Variants in ATXN1 observed in about 807,000 individuals in gnomAD.
ATXN1 encodes the protein ataxin-1.
ATXN1 carries 8 observed loss-of-function variants against 56.4 expected under a neutral mutation model. The observed-to-expected ratio is 0.14, with a 90% confidence interval of 0.08 to 0.26. ATXN1 has a LOEUF of 0.26. ATXN1 is among the 10% of genes least tolerant of loss of function. The pLI is 1.00. For synonymous variants in ATXN1, 514 were observed against 494.6 expected (o/e 1.04, Z -0.52); for missense variants, 987 against 1,106.5 (o/e 0.89, Z 1.53).
intron 6 of ATXN1, among the ~76,000 whole-genome samples, chr6:16,395,588 T>C (rs1023144959): frequency 2.0e-5 from 3 of 152,232 alleles, no homozygotes; most frequent in African/African-American, 7.2e-5. Flanking sequence ...GCCAGTCCTA[T>C]AAAAGTATAG....
intron 1 of ATXN1, among the ~76,000 whole-genome samples, chr6:16,759,067 C>A (rs1250999128): frequency 2.6e-5 from 4 of 152,200 alleles, no homozygotes; most frequent in Non-Finnish European, 5.9e-5. Context: ...GGAACTGCAG[C>A]CTCCTAAAAA....
chr6:16,537,738 AAAAAG>A (rs1439822089), intron 4 of ATXN1, among the ~76,000 whole-genome samples: 1 of 152,002 alleles, frequency 6.6e-6, no homozygotes, highest in Non-Finnish European at 1.5e-5. Context: ...AAAGAAAAAA[AAAAAG>A]AAATGATGTT....
intron 2 of ATXN1, chr6:16,738,241 G>A (rs1760204638): frequency 6.6e-6 from 1 of 152,198 alleles, no homozygotes; most frequent in African/African-American, 2.4e-5. Flanking sequence ...TCTCCTTGAG[G>A]AGAGTAGAAA....
intron 6 of ATXN1, among the ~76,000 whole-genome samples, chr6:16,396,164 GAT>G (rs1317338148): frequency 1.3e-5 from 2 of 152,010 alleles, no homozygotes; most frequent in Non-Finnish European, 2.9e-5. Context: ...AGATGGAAAA[GAT>G]AAGGAGGTAG....
At chr6:16,403,841 G>T (rs185996054) in intron 6 of ATXN1, among the ~76,000 whole-genome samples, 313 of 151,956 alleles carry the variant, frequency 2.1e-3, no homozygotes, top group South Asian at 5.8e-3. Context: ...TTCACGTTCT[G>T]TTCTTGAAGT....
chr6:16,757,214 T>C (rs1170864749), intron 1 of ATXN1, among the ~76,000 whole-genome samples: 3 of 152,246 alleles, frequency 2.0e-5, no homozygotes, highest in Admixed American at 2.0e-4. Flanking sequence ...CGTAACATTT[T>C]TGACAAAGTG....
intron 6 of ATXN1, among the ~76,000 whole-genome samples, chr6:16,345,475 C>T (rs2113448107): frequency 6.6e-6 from 1 of 152,294 alleles, no homozygotes; most frequent in Middle Eastern, 3.4e-3. Flanking sequence ...CAGCCTAAAT[C>T]AATCGTAGGA....
chr6:16,688,782 C>G (rs964418442), intron 2 of ATXN1, among the ~76,000 whole-genome samples: 8 of 152,110 alleles, frequency 5.3e-5, no homozygotes, highest in African/African-American at 1.9e-4. Context: ...TCTAAAACTA[C>G]CAATAAACTA....
At chr6:16,385,560 A>T (rs911854689) in intron 6 of ATXN1, among the ~76,000 whole-genome samples, 5 of 152,296 alleles carry the variant, frequency 3.3e-5, no homozygotes, top group African/African-American at 1.2e-4. Context: ...TGCACAAGAG[A>T]TATGGGAGAA....
At chr6:16,581,404 G>C (rs1446275388) in intron 4 of ATXN1, among the ~76,000 whole-genome samples, 6 of 152,022 alleles carry the variant, frequency 3.9e-5, no homozygotes, top group Non-Finnish European at 8.8e-5. Flanking sequence ...TAGAGAAAAA[G>C]GTTCGTCAAA....
intron 3 of ATXN1, among the ~76,000 whole-genome samples, chr6:16,606,327 T>C (rs1056399328): frequency 1.3e-5 from 2 of 152,050 alleles, no homozygotes; most frequent in African/African-American, 4.8e-5. Flanking sequence ...TGCGAACACA[T>C]GTGATGGGTA....
At chr6:16,469,182 G>C (rs1466963825) in intron 6 of ATXN1, among the ~76,000 whole-genome samples, 1 of 152,184 alleles carries the variant, frequency 6.6e-6, no homozygotes, top group African/African-American at 2.4e-5. Flanking sequence ...ATTGAAAGTT[G>C]TCTGTGACAT....
intron 2 of ATXN1, among the ~76,000 whole-genome samples, chr6:16,688,995 T>C (rs1363967819): frequency 2.0e-5 from 3 of 152,090 alleles, no homozygotes; most frequent in African/African-American, 7.2e-5. Context: ...ATATATAGTA[T>C]GAATATGTGC....
chr6:16,518,846 G>T (rs998618785), intron 5 of ATXN1, among the ~76,000 whole-genome samples: 1 of 152,124 alleles, frequency 6.6e-6, no homozygotes, highest in African/African-American at 2.4e-5. Flanking sequence ...GGATGATTTT[G>T]GTGCCAGTAT....
intron 6 of ATXN1, among the ~76,000 whole-genome samples, chr6:16,449,771 T>TA (rs1009693632): frequency 6.6e-6 from 1 of 152,196 alleles, no homozygotes; most frequent in African/African-American, 2.4e-5. Context: ...GGTAACTGTT[T>TA]AAAAAAATAA....
At chr6:16,373,526 T>C (rs1762086069) in intron 6 of ATXN1, among the ~76,000 whole-genome samples, 1 of 152,224 alleles carries the variant, frequency 6.6e-6, no homozygotes, top group Non-Finnish European at 1.5e-5. Context: ...ATAGTTTGGC[T>C]GTGTCCCCAC....
chr6:16,508,439 T>A (rs1761020438), intron 5 of ATXN1, among the ~76,000 whole-genome samples: 1 of 152,080 alleles, frequency 6.6e-6, no homozygotes, highest in South Asian at 2.1e-4. Context: ...GGCCAAAAAA[T>A]TCATTGAAAG....
intron 6 of ATXN1, among the ~76,000 whole-genome samples, chr6:16,368,610 C>T (rs1304497344): frequency 1.3e-5 from 2 of 152,218 alleles, no homozygotes; most frequent in Admixed American, 1.3e-4. Flanking sequence ...TTTTATATTT[C>T]ACATGTCTGT....
intron 6 of ATXN1, among the ~76,000 whole-genome samples, chr6:16,429,055 G>A (rs1439784639): frequency 2.0e-5 from 3 of 151,930 alleles, no homozygotes; most frequent in African/African-American, 7.3e-5. Flanking sequence ...GCGAGGGTAG[G>A]GGGGTGGGAG....
Sources: gnomAD v4.1 joint callset for allele counts (sites outside exome capture counted in the v4.1 genomes callset) on GRCh38, gnomAD v4.1.1 for gene constraint, MANE v1.5 for transcripts, NCBI Gene and HGNC (gene_info 2026-07-23, HGNC 2026-07-21) for gene names.